The following RPS6KA2 variants were observed in gnomAD, a reference collection of about 807,000 sequenced individuals.
The protein encoded by RPS6KA2 is ribosomal protein S6 kinase alpha-2.
A neutral mutation model predicts 91.8 loss-of-function variants in RPS6KA2; 42 were observed. The ratio of observed to expected loss-of-function variants is 0.46; its 90% CI spans 0.36 to 0.59. The LOEUF (loss-of-function observed/expected upper bound fraction) is 0.59. Ranked by LOEUF, RPS6KA2 falls within the 20% of genes least tolerant of loss-of-function variation. RPS6KA2 has a pLI of 0.00. For missense variants in RPS6KA2, 798 were observed against 978.5 expected (o/e 0.82, Z 2.46); for synonymous variants, 414 against 393.6 (o/e 1.05, Z -0.61).
intron 2 of RPS6KA2, among the ~76,000 whole-genome samples, chr6:166,822,636 C>T (rs1351270793): frequency 6.6e-6 from 1 of 152,218 alleles, no homozygotes. Context: ...GCCCCACCAC[C>T]TCCCACCACC....
intron 2 of RPS6KA2, among the ~76,000 whole-genome samples, chr6:166,647,942 A>T (rs1291168459): frequency 6.9e-6 from 1 of 145,366 alleles, no homozygotes; most frequent in African/African-American, 2.7e-5. Flanking sequence ...ACATGCTCAT[A>T]CACACACATG....
intron 2 of RPS6KA2, among the ~76,000 whole-genome samples, chr6:166,783,870 CCTA>C (rs1482887712): frequency 1.0e-5 from 1 of 99,494 alleles, no homozygotes; most frequent in Non-Finnish European, 2.1e-5. Context: ...CACGTGCACA[CCTA>C]CGCATCACCA....
rs1359517385 is a variant in RPS6KA2 at position 166,603,555 on chromosome 6, A to C, written c.99+23366T>G. Among the ~76,000 whole-genome samples the C allele has an allele frequency of 6.6e-6, 1 of 152,114 alleles. No homozygotes were observed. The highest frequency in any genetic ancestry group is 1.5e-5 in the Non-Finnish European group (1 of 68,022). On this transcript the variant is annotated intron_variant, in intron 1 of 20. Coordinates refer to ENST00000265678, the MANE Select transcript of RPS6KA2 (RefSeq NM_021135.6). This position sits in a 1 kb window ranked among gnomAD's most constrained non-coding sequence, Gnocchi z 4.3. ...TTCTGGAGTCGAGGGCGCCCAGGTAAAGGGCTTTGGCATGGAAGTGCAGGT... is the reference window on the plus strand; with the variant it reads ...TTCTGGAGTCGAGGGCGCCCAGGTACAGGGCTTTGGCATGGAAGTGCAGGT...
intron 2 of RPS6KA2, among the ~76,000 whole-genome samples, chr6:166,853,632 C>T (rs1221064953): frequency 3.3e-5 from 5 of 152,268 alleles, no homozygotes; most frequent in Non-Finnish European, 7.3e-5. Flanking sequence ...TGCTCAGCAT[C>T]GTGGCCACCT....
chr6:166,743,850 C>T (rs1345027206), intron 2 of RPS6KA2, among the ~76,000 whole-genome samples: 1 of 151,610 alleles, frequency 6.6e-6, no homozygotes, highest in Admixed American at 6.6e-5. Context: ...AGGGCTTTGG[C>T]TGGTGGTCAG....
At chr6:166,417,703 A>G (rs1205052297) in intron 19 of RPS6KA2, among the ~76,000 whole-genome samples, 2 of 152,192 alleles carry the variant, frequency 1.3e-5, no homozygotes, top group African/African-American at 4.8e-5. Context: ...AGATACCAAG[A>G]TAGTGGAAAA....
At position 166,464,899 on chromosome 6, in the gene RPS6KA2, G is replaced by A. The variant is rs557166716; in HGVS notation, c.972+4942C>T. ...AAAGGCAGCAGCCCACACCTCCACC[G>A]TCCCCACACTTACTGTCAGCAGATG... is the stretch of plus-strand genomic sequence containing the variant. On this transcript the variant is annotated intron_variant, in intron 11 of 20. Coordinates refer to ENST00000265678, the MANE Select transcript of RPS6KA2 (RefSeq NM_021135.6). Among the ~76,000 whole-genome samples the A allele has an allele frequency of 2.0e-5, 3 of 152,250 alleles. No individual in the cohort carries two copies. In the South Asian group the frequency reaches 6.2e-4, roughly 32 times the overall value.
At chr6:166,742,583 G>A (rs781335809) in intron 2 of RPS6KA2, among the ~76,000 whole-genome samples, 1 of 152,168 alleles carries the variant, frequency 6.6e-6, no homozygotes, top group Non-Finnish European at 1.5e-5. Flanking sequence ...CGGGAGGGGA[G>A]GACGGCTCTA....
At chr6:166,839,604 G>C (rs969701400) in intron 2 of RPS6KA2, among the ~76,000 whole-genome samples, 2 of 143,766 alleles carry the variant, frequency 1.4e-5, no homozygotes, top group South Asian at 2.4e-4. Context: ...GGAATAGTAT[G>C]GTTCACCAAT....
At chr6:166,775,437 C>T (rs1372628516) in intron 2 of RPS6KA2, among the ~76,000 whole-genome samples, 1 of 152,136 alleles carries the variant, frequency 6.6e-6, no homozygotes, top group Non-Finnish European at 1.5e-5. Flanking sequence ...ATCCTGGAAA[C>T]TTGTTACATT....
intron 2 of RPS6KA2, among the ~76,000 whole-genome samples, chr6:166,704,220 G>A (rs1364497503): frequency 6.6e-6 from 1 of 152,206 alleles, no homozygotes; most frequent in Non-Finnish European, 1.5e-5. Context: ...ACAGCAATCT[G>A]TGAGGTGTTG....
rs1200391176 is a variant in RPS6KA2 at position 166,648,441 on chromosome 6, T to C, written c.124-109657A>G. On this transcript the variant is annotated intron_variant, in intron 2 of 21. Transcript: ENST00000503859. The surrounding 1 kb of genome is among the most constrained non-coding windows in gnomAD (Gnocchi z 4.8). ...ACAACTGCTGCACAATCTGCCTTTG[T>C]ACCTGAGACTGGGCAAGAATTACTT... 2.0e-5 allele frequency among the ~76,000 whole-genome samples: 3 copies of C among 152,226 alleles called. No individual in the cohort carries two copies. Among genetic ancestry groups the C allele is most frequent in the Admixed American group, 6.5e-5 (1 of 15,284 alleles).
intron 10 of RPS6KA2, among the ~76,000 whole-genome samples, chr6:166,477,864 T>C (rs1386002166): frequency 2.0e-5 from 3 of 152,100 alleles, no homozygotes; most frequent in African/African-American, 7.2e-5. Context: ...TGAGTCATGA[T>C]TGCACCACTG....
intron 2 of RPS6KA2, among the ~76,000 whole-genome samples, chr6:166,638,021 G>A (rs1161918860): frequency 6.6e-6 from 1 of 152,256 alleles, no homozygotes; most frequent in Non-Finnish European, 1.5e-5. Flanking sequence ...TGTGGCCACA[G>A]CCAGCCTTCG....
At chr6:166,813,698 G>T (rs920448275) in intron 2 of RPS6KA2, among the ~76,000 whole-genome samples, 1 of 152,144 alleles carries the variant, frequency 6.6e-6, no homozygotes, top group Non-Finnish European at 1.5e-5. Context: ...TGTGTCCACC[G>T]TCACGAGGCT....
chr6:166,840,674 G>C (rs903700862), intron 2 of RPS6KA2, among the ~76,000 whole-genome samples: 5 of 152,178 alleles, frequency 3.3e-5, no homozygotes, highest in Admixed American at 6.5e-5. Context: ...ATCTCACATT[G>C]TTTAAAAAGA....
chr6:166,579,711 A>T (rs909678502), intron 1 of RPS6KA2, among the ~76,000 whole-genome samples: 1 of 152,238 alleles, frequency 6.6e-6, no homozygotes, highest in African/African-American at 2.4e-5. Context: ...TGGCAGAAGA[A>T]GACCAGTGTT....
intron 2 of RPS6KA2, among the ~76,000 whole-genome samples, chr6:166,786,443 T>G (rs1244536253): frequency 5.9e-5 from 9 of 151,448 alleles, no homozygotes; most frequent in South Asian, 4.2e-4. Flanking sequence ...AAACTGATTA[T>G]CAAAGTAGAA....
chr6:166,579,181 G>A (rs1050401302), intron 1 of RPS6KA2, among the ~76,000 whole-genome samples: 1 of 152,182 alleles, frequency 6.6e-6, no homozygotes, highest in Non-Finnish European at 1.5e-5. Flanking sequence ...CGTTTATGCT[G>A]TTTAGAAAAC....
Sources: allele counts gnomAD v4.1 joint callset (sites outside exome capture counted in the v4.1 genomes callset), GRCh38; gene constraint gnomAD v4.1.1; non-coding constraint Gnocchi (gnomAD v3.1); transcripts MANE v1.5; gene names NCBI Gene and HGNC (gene_info 2026-07-23, HGNC 2026-07-21).